SKAP2: variants seen among roughly 807,000 people sequenced by gnomAD.
SKAP2 encodes the protein src kinase-associated phosphoprotein 2.
A neutral mutation model predicts 54.9 loss-of-function variants in SKAP2; 28 were observed. That is an observed-to-expected ratio of 0.51 (90% CI 0.38 to 0.70). The LOEUF (loss-of-function observed/expected upper bound fraction) is 0.70, where lower values mean the gene tolerates loss of function less well. SKAP2 is among the 30% of genes least tolerant of loss of function. The pLI is 0.00. For missense variants in SKAP2, 356 were observed against 424.1 expected, an observed-to-expected ratio of 0.84 and a Z score of 1.41; for synonymous variants, 137 against 134.3, an observed-to-expected ratio of 1.02 and a Z score of -0.14.
In SKAP2 at chr7:26,864,537, C is replaced by T; in HGVS notation, c.-108G>A. On this transcript the variant is annotated 5_prime_UTR_variant, in exon 1 of 13. Coordinates refer to ENST00000345317, the MANE Select transcript of SKAP2 (RefSeq NM_003930.5). Reference sequence around the variant, plus strand: ...TCAGGCTAGCGGCCCGGATTAAGAACAGCGGGGCTACGAGTCGGGACACTG... The same window carrying T: ...TCAGGCTAGCGGCCCGGATTAAGAATAGCGGGGCTACGAGTCGGGACACTG... The T allele has an allele frequency of 6.8e-7, 1 of 1,469,846 alleles. No individual in the cohort carries two copies. The highest frequency in any genetic ancestry group is 1.4e-5 in the South Asian group (1 of 72,814). 91.1% of individuals were successfully genotyped at this position (1,469,846 alleles called of 1,614,324 possible). A position where few individuals can be genotyped will look rare whatever the true frequency, so the allele number is the denominator to read the frequency against.
intron 4 of SKAP2, among the ~76,000 whole-genome samples, chr7:26,749,882 A>G (rs1584367535): frequency 1.3e-5 from 2 of 152,124 alleles, no homozygotes; most frequent in South Asian, 4.2e-4. Context: ...TTTTTTAAGC[A>G]CTATCAGTGG....
At chr7:26,691,321 A>G (rs188995694) in intron 9 of SKAP2, among the ~76,000 whole-genome samples, 1 of 152,302 alleles carries the variant, frequency 6.6e-6, no homozygotes, top group Admixed American at 6.5e-5. Flanking sequence ...TTATTACATG[A>G]TTTTTCCTCA....
downstream of SKAP2, among the ~76,000 whole-genome samples, chr7:26,666,858 A>G (rs17154291): frequency 0.036 from 5,524 of 152,240 alleles, 334 homozygotes; most frequent in African/African-American, 0.13. Context: ...AATGAAAGTC[A>G]TTTGTATTAT....
At chr7:26,859,548 G>A (rs546503670) in intron 1 of SKAP2, among the ~76,000 whole-genome samples, 5 of 152,058 alleles carry the variant, frequency 3.3e-5, no homozygotes, top group Non-Finnish European at 7.4e-5. Flanking sequence ...TGGTACAATG[G>A]GTAAAAAATA....
At chr7:26,699,177 A>G (rs1414465298) in intron 9 of SKAP2, among the ~76,000 whole-genome samples, 1 of 152,204 alleles carries the variant, frequency 6.6e-6, no homozygotes, top group Non-Finnish European at 1.5e-5. Context: ...TTTAACTACT[A>G]CTTGTCGCGT....
intron 3 of SKAP2, among the ~76,000 whole-genome samples, chr7:26,844,457 G>A (rs1460104835): frequency 6.6e-6 from 1 of 151,958 alleles, no homozygotes; most frequent in Non-Finnish European, 1.5e-5. Flanking sequence ...GGGTAAAACA[G>A]AGTGTATATC....
chr7:26,802,087 A>C (rs533285556), intron 4 of SKAP2, among the ~76,000 whole-genome samples: 2 of 152,280 alleles, frequency 1.3e-5, no homozygotes, highest in Admixed American at 6.5e-5. Flanking sequence ...GGAATCGCAT[A>C]TCTAACTTCA....
At position 26,669,239 on chromosome 7, in the gene SKAP2, A is replaced by C. The variant is rs1786179844; in HGVS notation, c.*427T>G. ...CAAAAAAAACTCGCATGATACACTA[A>C]ATTTAAAATGCTATGAAATTATACA... On this transcript the variant is annotated 3_prime_UTR_variant, in exon 13 of 13. Transcript: ENST00000345317. 1 of 152,152 alleles carries C rather than the reference A, an allele frequency of 6.6e-6. No homozygotes were observed. Among genetic ancestry groups the C allele is most frequent in the African/African-American group, 2.4e-5 (1 of 41,436 alleles). 9.4% of individuals were successfully genotyped at this position (152,152 alleles called of 1,614,324 possible).
At chr7:26,802,962 A>G (rs6944529) in intron 4 of SKAP2, among the ~76,000 whole-genome samples, 1 of 151,908 alleles carries the variant, frequency 6.6e-6, no homozygotes, top group Non-Finnish European at 1.5e-5. Context: ...ATATACAAAA[A>G]TCAAATCAAA....
intron 4 of SKAP2, among the ~76,000 whole-genome samples, chr7:26,792,798 A>G (rs1337052332): frequency 6.6e-6 from 1 of 152,176 alleles, no homozygotes; most frequent in Non-Finnish European, 1.5e-5. Context: ...ATTTATAAGG[A>G]GGATGGTCCA....
intron 6 of SKAP2, among the ~76,000 whole-genome samples, chr7:26,735,272 T>C (rs1257501668): frequency 1.3e-5 from 2 of 152,130 alleles, no homozygotes; most frequent in Admixed American, 6.6e-5. Flanking sequence ...TTGAAGGACA[T>C]CTGAACATCT....
intron 4 of SKAP2, among the ~76,000 whole-genome samples, 195 bp from the exon 5 acceptor site, chr7:26,740,159 A>G (rs915839050): frequency 1.2e-4 from 2 of 16,790 alleles, no homozygotes; most frequent in Non-Finnish European, 2.2e-4. Context: ...AGTAAAAAAA[A>G]AAAAAAAAAA....
chr7:26,769,160 CT>C (rs1168426052), intron 4 of SKAP2, among the ~76,000 whole-genome samples: 5 of 152,148 alleles, frequency 3.3e-5, no homozygotes, highest in African/African-American at 9.6e-5. Context: ...CCTTTTCATT[CT>C]TTTTTTCTCT....
At chr7:26,772,509 G>T (rs544456815) in intron 4 of SKAP2, among the ~76,000 whole-genome samples, 44 of 152,290 alleles carry the variant, frequency 2.9e-4, no homozygotes, top group African/African-American at 1.0e-3. Flanking sequence ...GTGTTAATTT[G>T]CTTAGGATAA....
intron 4 of SKAP2, 118 bp from the exon 5 acceptor site, chr7:26,740,082 G>T: frequency 5.6e-6 from 3 of 532,712 alleles, no homozygotes; most frequent in Non-Finnish European, 9.8e-6. Flanking sequence ...TTAAATCTAA[G>T]TCTATTAGCT....
intron 10 of SKAP2, among the ~76,000 whole-genome samples, chr7:26,689,583 C>T (rs1484452561): frequency 6.6e-6 from 1 of 152,114 alleles, no homozygotes; most frequent in South Asian, 2.1e-4. Context: ...CCTTTTAGGC[C>T]ACTAGTGTCC....
chr7:26,664,617 G>A (rs1429359085), downstream of SKAP2, among the ~76,000 whole-genome samples: 3 of 151,650 alleles, frequency 2.0e-5, no homozygotes, highest in South Asian at 4.2e-4. Context: ...TTTTACTCTA[G>A]CAGGAGTGAT....
chr7:26,744,276 G>T (rs911645908), intron 4 of SKAP2, among the ~76,000 whole-genome samples: 2 of 152,056 alleles, frequency 1.3e-5, no homozygotes, highest in Non-Finnish European at 2.9e-5. Flanking sequence ...ATGAAAAATA[G>T]TAGTTACTTC....
At chr7:26,687,743 T>G (rs212855) in intron 10 of SKAP2, among the ~76,000 whole-genome samples, 88,893 of 151,636 alleles carry the variant, frequency 0.59, 26,427 homozygotes, top group East Asian at 0.88. Flanking sequence ...AAGCGCAGGT[T>G]TGCAAAAGTT....
Sources: allele counts gnomAD v4.1 joint callset (sites outside exome capture counted in the v4.1 genomes callset), GRCh38; gene constraint gnomAD v4.1.1; transcripts MANE v1.5; gene names NCBI Gene and HGNC (gene_info 2026-07-23, HGNC 2026-07-21).